The following NAA11 variants were observed in gnomAD, a reference collection of about 807,000 sequenced individuals.
NAA11 encodes N-alpha-acetyltransferase 11, NatA catalytic subunit, also known as N-alpha-acetyltransferase 11.
A neutral mutation model predicts 16.1 loss-of-function variants in NAA11; 15 were observed. The observed-to-expected ratio is 0.93, with a 90% confidence interval of 0.62 to 1.44. The LOEUF (loss-of-function observed/expected upper bound fraction) is 1.44, where lower values mean the gene tolerates loss of function less well. NAA11 is among the 40% of genes most tolerant of loss of function. The pLI, the probability that NAA11 is intolerant of heterozygous loss-of-function variation, is 0.00. For synonymous variants in NAA11, 122 were observed against 112.4 expected (o/e 1.09, Z -0.54); for missense variants, 298 against 291.3 (o/e 1.02, Z -0.17).
intron 2 of NAA11, among the ~76,000 whole-genome samples, chr4:79,266,870 CT>C (rs1191556500): frequency 6.6e-6 from 1 of 152,150 alleles, no homozygotes; most frequent in Non-Finnish European, 1.5e-5. Context: ...GTAATTAGGG[CT>C]TCACTCTTTC....
At chr4:79,258,089 A>G (rs1722160702) in intron 2 of NAA11, among the ~76,000 whole-genome samples, 1 of 152,230 alleles carries the variant, frequency 6.6e-6, no homozygotes, top group South Asian at 2.1e-4. Context: ...AGTGGGAGCC[A>G]GGGAAAAGTG....
In NAA11 at chr4:79,302,429, G is replaced by T. The variant is rs184051731; in HGVS notation, c.*13-8315C>A. ...CTATAAACAATCAAAATGATGGTAG[G>T]ACAAAATGAAAAGGGATGTGCAGTT... On this transcript the variant is annotated intron_variant and NMD_transcript_variant, in intron 1 of 2. Coordinates refer to the NAA11 transcript ENST00000511542. 1.5e-3 allele frequency among the ~76,000 whole-genome samples: 235 copies of T among 152,274 alleles called. 1 individual carries two copies. The highest frequency in any genetic ancestry group is 5.5e-3 in the African/African-American group (228 of 41,552).
the NAA11 span, among the ~76,000 whole-genome samples, chr4:79,166,117 G>A: frequency 3.3e-5 from 5 of 152,130 alleles, no homozygotes; most frequent in African/African-American, 1.2e-4. Flanking sequence ...AGTATATCCT[G>A]GTGGCATGAA....
In NAA11 at chr4:79,325,703, T is replaced by C. The variant is rs780594037; in HGVS notation, c.175A>G (p.Lys59Glu). Residue 59 changes from lysine (K) to glutamate (E), a missense_variant, in exon 1 of 2, where the codon AAA (lysine) becomes GAA (glutamate). Transcript: ENST00000286794. Reference sequence around the variant, plus strand: ...ACATCATCTGGTTCCTCCTCCATTTTGGCCAGAACATAGCCCACAATCTTC... The same window carrying C: ...ACATCATCTGGTTCCTCCTCCATTTCGGCCAGAACATAGCCCACAATCTTC... ...DGKIVGYVLAKMEEEPDDVPH... is the reference protein window; with the variant it reads ...DGKIVGYVLAEMEEEPDDVPH... 6.2e-7 allele frequency: 1 copy of C among 1,614,220 alleles called. No individual in the cohort carries two copies. The highest frequency in any genetic ancestry group is 8.5e-7 in the Non-Finnish European group (1 of 1,180,034).
At position 79,232,484 on chromosome 4, in the gene NAA11, C is replaced by G. The variant is rs76768309; in HGVS notation, c.*123-6214G>C. ...CTTCAGAAGCACATAAAGCTTCATC[C>G]ACATGTTAAAAACAATAGTTTGTTG... On this transcript the variant is annotated intron_variant and NMD_transcript_variant, in intron 2 of 2. Transcript: ENST00000511542. Among the ~76,000 whole-genome samples, 389 of 151,970 alleles carry G rather than the reference C, an allele frequency of 2.6e-3. 3 individuals carry two copies. Among genetic ancestry groups the G allele is most frequent in the African/African-American group, 8.7e-3 (363 of 41,512 alleles).
the NAA11 span, among the ~76,000 whole-genome samples, chr4:79,178,382 A>G: frequency 6.6e-6 from 1 of 152,224 alleles, no homozygotes; most frequent in African/African-American, 2.4e-5. Flanking sequence ...AGAATATGAG[A>G]ATTACTAAAT....
At chr4:79,298,126 A>G (rs2109999392) in intron 1 of NAA11, among the ~76,000 whole-genome samples, 1 of 152,302 alleles carries the variant, frequency 6.6e-6, no homozygotes, top group Non-Finnish European at 1.5e-5. Flanking sequence ...CCTCTCTGCT[A>G]GGAGCTGAAC....
chr4:79,283,928 A>G (rs1050144642), intron 2 of NAA11, among the ~76,000 whole-genome samples: 1 of 152,106 alleles, frequency 6.6e-6, no homozygotes, highest in African/African-American at 2.4e-5. Flanking sequence ...TTCCTTACCT[A>G]TCCATCCCTA....
the NAA11 span, among the ~76,000 whole-genome samples, chr4:79,214,204 A>T: frequency 6.6e-6 from 1 of 152,240 alleles, no homozygotes; most frequent in African/African-American, 2.4e-5. Context: ...CATATAAAAT[A>T]GAAATACTCC....
intron 2 of NAA11, among the ~76,000 whole-genome samples, chr4:79,271,810 A>G (rs894471753): frequency 6.6e-6 from 1 of 152,034 alleles, no homozygotes; most frequent in Non-Finnish European, 1.5e-5. Context: ...GTATCATGCC[A>G]GTCTTCTAAG....
intron 2 of NAA11, among the ~76,000 whole-genome samples, chr4:79,260,469 A>G (rs1292840307): frequency 1.3e-5 from 2 of 152,170 alleles, no homozygotes; most frequent in Non-Finnish European, 2.9e-5. Context: ...TGACTAGGCC[A>G]TTTTGGGGCT....
chr4:79,314,504 T>G (rs567201309), downstream of NAA11, among the ~76,000 whole-genome samples: 1 of 152,092 alleles, frequency 6.6e-6, no homozygotes, highest in African/African-American at 2.4e-5. Context: ...ATTTTTAACA[T>G]AGCACCCAGG....
At chr4:79,295,268 G>A (rs775830902) in intron 1 of NAA11, among the ~76,000 whole-genome samples, 5 of 152,200 alleles carry the variant, frequency 3.3e-5, no homozygotes, top group Non-Finnish European at 7.4e-5. Context: ...TGCCTTTCAA[G>A]CACTGACTGA....
downstream of NAA11, among the ~76,000 whole-genome samples, chr4:79,221,700 C>A (rs1721191385): frequency 8.2e-6 from 1 of 121,358 alleles, no homozygotes; most frequent in Non-Finnish European, 1.8e-5. Flanking sequence ...AATATTGAAC[C>A]AGCCTTGCAT....
chr4:79,298,524 A>C (rs1209667266), intron 1 of NAA11, among the ~76,000 whole-genome samples: 2 of 152,154 alleles, frequency 1.3e-5, no homozygotes, highest in African/African-American at 4.8e-5. Flanking sequence ...GAAGCTGCTT[A>C]TGGTGCCCCT....
the NAA11 span, chr4:79,197,457 T>G: frequency 6.6e-6 from 1 of 151,994 alleles, no homozygotes; most frequent in African/African-American, 2.4e-5. Context: ...TTCTTATGCT[T>G]TGACTTTGGA....
intron 2 of NAA11, among the ~76,000 whole-genome samples, chr4:79,280,347 G>A (rs1375446254): frequency 2.6e-5 from 4 of 152,024 alleles, no homozygotes; most frequent in African/African-American, 9.7e-5. Flanking sequence ...ATGCAGCCCG[G>A]TCCAGGTTAA....
intron 1 of NAA11, chr4:79,305,059 A>G (rs1723533001): frequency 6.6e-6 from 1 of 152,206 alleles, no homozygotes. Context: ...TGTCTCTGTC[A>G]TAGTAGCAGT....
At chr4:79,240,646 A>G (rs1721671223) in intron 2 of NAA11, among the ~76,000 whole-genome samples, 1 of 152,122 alleles carries the variant, frequency 6.6e-6, no homozygotes, top group South Asian at 2.1e-4. Flanking sequence ...GAATGGGGAG[A>G]TGAGACTGCC....
Sources: allele counts gnomAD v4.1 joint callset (sites outside exome capture counted in the v4.1 genomes callset), GRCh38; gene constraint gnomAD v4.1.1; transcripts MANE v1.5; gene names NCBI Gene and HGNC (gene_info 2026-07-23, HGNC 2026-07-21).